Variants in GPM6B observed in about 807,000 individuals in gnomAD.
GPM6B encodes glycoprotein M6B.
Under a neutral mutation model 27.2 loss-of-function variants are expected in GPM6B, and 4 were observed. The observed-to-expected ratio is 0.15, with a 90% CI of 0.07 to 0.34. GPM6B has a LOEUF of 0.34. Ranked by LOEUF, GPM6B falls within the 10% of genes least tolerant of loss-of-function variation. The pLI, the probability that GPM6B is intolerant of heterozygous loss-of-function variation, is 1.00. For synonymous variants in GPM6B, 124 were observed against 103.1 expected (o/e 1.20, Z -1.23); for missense variants, 183 against 261.9 (o/e 0.70, Z 2.08).
At chrX:13,796,200 C>T (rs1295914074) in intron 2 of GPM6B, among the ~76,000 whole-genome samples, 5 of 111,647 alleles carry the variant, frequency 4.5e-5, no homozygotes, top group Non-Finnish European at 7.5e-5. Flanking sequence ...GCTGAGATTA[C>T]AGGTGTGAGC....
chrX:13,842,064 C>G (rs1350907894), intron 1 of GPM6B, among the ~76,000 whole-genome samples: 1 of 111,904 alleles, frequency 8.9e-6, no homozygotes, highest in Non-Finnish European at 1.9e-5. Flanking sequence ...TTCTTTTTCT[C>G]CAAAATATTC....
At chrX:13,859,952 A>C (rs1336144730) in intron 1 of GPM6B, among the ~76,000 whole-genome samples, 1 of 111,977 alleles carries the variant, frequency 8.9e-6, no homozygotes, top group Non-Finnish European at 1.9e-5. Flanking sequence ...CAGTTGCATC[A>C]TTCCTTTTCT....
intron 7 of GPM6B, chrX:13,774,561 A>C (rs1490420164): frequency 6.6e-6 from 8 of 1,208,321 alleles, no homozygotes; most frequent in Non-Finnish European, 9.0e-6. Flanking sequence ...TTAGTGCAGC[A>C]ATCTTCCCGA....
intron 1 of GPM6B, among the ~76,000 whole-genome samples, chrX:13,925,805 AGCACTTTGGGAGACCGAG>A (rs1921144954): frequency 1.8e-5 from 2 of 111,015 alleles, no homozygotes; most frequent in South Asian, 7.7e-4. Context: ...CTCTAATCCC[AGCACTTTGGGAGACCGAG>A]GCAGGTGGAT....
At chrX:13,852,825 G>C (rs1481107020) in intron 1 of GPM6B, among the ~76,000 whole-genome samples, 2 of 104,070 alleles carry the variant, frequency 1.9e-5, no homozygotes, top group East Asian at 5.9e-4. Context: ...CCAGGTTGGA[G>C]TGCAGTGGCA....
intron 2 of GPM6B, among the ~76,000 whole-genome samples, chrX:13,801,812 G>A (rs1268314609): frequency 6.3e-5 from 7 of 111,517 alleles, no homozygotes; most frequent in African/African-American, 2.3e-4. Context: ...GCTGGTCCTT[G>A]GGGGTGAAAG....
At chrX:13,822,480 T>C (rs754834037) in intron 1 of GPM6B, among the ~76,000 whole-genome samples, 5 of 110,678 alleles carry the variant, frequency 4.5e-5, no homozygotes, top group African/African-American at 6.6e-5. Flanking sequence ...ATTCTCCTGC[T>C]TCAGCCTCCC....
At chrX:13,825,740 G>A (rs2049365217) in intron 1 of GPM6B, among the ~76,000 whole-genome samples, 1 of 112,372 alleles carries the variant, frequency 8.9e-6, no homozygotes. Flanking sequence ...GTGAGGGGAA[G>A]GCCAGAGAAA....
chrX:13,878,264 T>C (rs1459665398), intron 1 of GPM6B, among the ~76,000 whole-genome samples: 1 of 110,646 alleles, frequency 9.0e-6, no homozygotes, highest in Non-Finnish European at 1.9e-5. Context: ...AGGTTTTTTT[T>C]TTTTTTCCTC....
chrX:13,844,533 A>G (rs180734208), intron 1 of GPM6B, among the ~76,000 whole-genome samples: 103 of 112,473 alleles, frequency 9.2e-4, no homozygotes, highest in Middle Eastern at 9.2e-3. Context: ...TCCATTTAGT[A>G]CATTCAGAAT....
intron 1 of GPM6B, among the ~76,000 whole-genome samples, chrX:13,888,157 G>A (rs909274556): frequency 4.5e-5 from 5 of 111,961 alleles, no homozygotes; most frequent in East Asian, 2.8e-4. Context: ...AAACACCAAC[G>A]GAAAACGTCA....
Position 13,833,550 on chromosome X carries a change from TA to T in GPM6B, c.-197-47743del, listed in dbSNP as rs755832950. Among the ~76,000 whole-genome samples, 146 of 71,515 alleles carry T rather than the reference TA, an allele frequency of 2.0e-3. 2 individuals are homozygous for T. Among genetic ancestry groups the T allele is most frequent in the Middle Eastern group, 7.4e-3 (1 of 136 alleles). 62.1% of individuals were successfully genotyped at this position (71,515 alleles called of 115,157 possible). A position where few individuals can be genotyped will look rare whatever the true frequency, so the allele number is the denominator to read the frequency against. On this transcript the variant is annotated intron_variant, in intron 1 of 6. Coordinates refer to the GPM6B transcript ENST00000398361. ...GGCAACAGAGCAAGACTCTATCTCTTAAAAAAAAAAAAAAAAAAACTAGAAA... is the reference window on the plus strand; with the variant it reads ...GGCAACAGAGCAAGACTCTATCTCTTAAAAAAAAAAAAAAAAAACTAGAAA...
intron 2 of GPM6B, among the ~76,000 whole-genome samples, chrX:13,797,911 T>A (rs1381081228): frequency 9.0e-6 from 1 of 111,441 alleles, no homozygotes; most frequent in Non-Finnish European, 1.9e-5. Flanking sequence ...GAACACATCT[T>A]CACAAGGGCC....
chrX:13,851,033 C>G (rs1212270814), intron 1 of GPM6B, among the ~76,000 whole-genome samples: 1 of 108,635 alleles, frequency 9.2e-6, no homozygotes, highest in Non-Finnish European at 1.9e-5. Flanking sequence ...CGCGGTGGTG[C>G]ATGCCTGTAG....
At chrX:13,796,103 T>A (rs951013709) in intron 2 of GPM6B, among the ~76,000 whole-genome samples, 1 of 111,250 alleles carries the variant, frequency 9.0e-6, no homozygotes, top group African/African-American at 3.3e-5. Context: ...TTTTGTATTT[T>A]TAGTAGAGAC....
chrX:13,803,800 C>T (rs940634842), intron 2 of GPM6B, among the ~76,000 whole-genome samples: 3 of 111,466 alleles, frequency 2.7e-5, no homozygotes, highest in African/African-American at 9.8e-5. Context: ...TGCCCCTTCC[C>T]CAAACCCCCT....
At chrX:13,904,684 C>A (rs957493085) in intron 1 of GPM6B, among the ~76,000 whole-genome samples, 1 of 110,688 alleles carries the variant, frequency 9.0e-6, no homozygotes, top group East Asian at 2.8e-4. Context: ...CAGACCCCTA[C>A]GTTAGACAAA....
intron 1 of GPM6B, among the ~76,000 whole-genome samples, chrX:13,876,098 C>T (rs1442280312): frequency 8.9e-6 from 1 of 112,257 alleles, no homozygotes; most frequent in Non-Finnish European, 1.9e-5. Flanking sequence ...TGCTGAGTTA[C>T]AACGATGTGT....
chrX:13,856,889 A>G (rs767978595), intron 1 of GPM6B, among the ~76,000 whole-genome samples: 3 of 110,659 alleles, frequency 2.7e-5, no homozygotes, highest in South Asian at 3.9e-4. Context: ...TTGTAGAGAC[A>G]GGGATTTGCC....
Sources: gnomAD v4.1 joint callset for allele counts (sites outside exome capture counted in the v4.1 genomes callset) on GRCh38, gnomAD v4.1.1 for gene constraint, MANE v1.5 for transcripts, NCBI Gene and HGNC (gene_info 2026-07-23, HGNC 2026-07-21) for gene names.